The following PAN3 variants were observed in gnomAD, a reference collection of about 807,000 sequenced individuals.
The protein encoded by PAN3 is PAN2-PAN3 deadenylation complex subunit PAN3.
PAN3 carries 19 observed loss-of-function variants against 96.2 expected under a neutral mutation model. The observed-to-expected ratio is 0.20, with a 90% confidence interval of 0.14 to 0.29. The LOEUF (loss-of-function observed/expected upper bound fraction) is 0.29. Among genes scored for constraint, PAN3 ranks in the 10% least tolerant of loss-of-function variants. PAN3 has a pLI of 1.00. For missense variants in PAN3, 882 were observed against 1,108.1 expected, an observed-to-expected ratio of 0.80 and a Z score of 2.90; for synonymous variants, 433 against 406.6, an observed-to-expected ratio of 1.06 and a Z score of -0.78.
intron 1 of PAN3, among the ~76,000 whole-genome samples, chr13:28,171,758 C>T (rs527572535): frequency 2.0e-5 from 3 of 152,262 alleles, no homozygotes; most frequent in South Asian, 2.1e-4. Flanking sequence ...TTTTTATGGA[C>T]GCTTCATCTC....
At chr13:28,247,603 A>G (rs563081644) in intron 6 of PAN3, among the ~76,000 whole-genome samples, 46 of 152,268 alleles carry the variant, frequency 3.0e-4, no homozygotes, top group African/African-American at 1.1e-3. Context: ...TGATCTTTGC[A>G]TATGGTAAGA....
At chr13:28,171,852 T>C (rs1593404915) in intron 1 of PAN3, among the ~76,000 whole-genome samples, 1 of 152,162 alleles carries the variant, frequency 6.6e-6, no homozygotes, top group African/African-American at 2.4e-5. Flanking sequence ...AGTTCCAAAC[T>C]GGTAATCAGG....
chr13:28,200,405 A>G (rs949166935), intron 5 of PAN3, among the ~76,000 whole-genome samples: 2 of 152,052 alleles, frequency 1.3e-5, no homozygotes, highest in African/African-American at 2.4e-5. Context: ...GTCTTTTTCT[A>G]CTTCTGAAAA....
At chr13:28,160,694 G>C (rs1006477124) in intron 1 of PAN3, among the ~76,000 whole-genome samples, 1 of 152,252 alleles carries the variant, frequency 6.6e-6, no homozygotes, top group African/African-American at 2.4e-5. Context: ...GTAACACTTG[G>C]TATTATTTTA....
chr13:28,189,310 G>A (rs988655284), intron 4 of PAN3, among the ~76,000 whole-genome samples: 2 of 152,202 alleles, frequency 1.3e-5, no homozygotes, highest in Admixed American at 1.3e-4. Context: ...GAAGTCAGGA[G>A]TTCAAGACCA....
chr13:28,266,176 A>G (rs1345087660), intron 9 of PAN3, among the ~76,000 whole-genome samples: 1 of 152,160 alleles, frequency 6.6e-6, no homozygotes, highest in Non-Finnish European at 1.5e-5. Flanking sequence ...TACCATTGTT[A>G]CCATCTGCTA....
chr13:28,273,483 T>A (rs1338031335), intron 14 of PAN3, among the ~76,000 whole-genome samples: 2 of 151,988 alleles, frequency 1.3e-5, no homozygotes, highest in African/African-American at 4.8e-5. Context: ...ACACCTGTAG[T>A]CCAGCTACTC....
intron 6 of PAN3, among the ~76,000 whole-genome samples, chr13:28,228,428 C>A (rs1882219683): frequency 6.6e-6 from 1 of 152,066 alleles, no homozygotes; most frequent in Non-Finnish European, 1.5e-5. Flanking sequence ...TCATAAATGC[C>A]TGCAACAACC....
intron 6 of PAN3, among the ~76,000 whole-genome samples, chr13:28,232,002 A>G (rs371442629): frequency 1.3e-5 from 2 of 152,206 alleles, no homozygotes; most frequent in East Asian, 3.8e-4. Context: ...TAATCAGTTC[A>G]TGGTGTTATA....
At chr13:28,142,530 T>TTTTTTTTTTTA (rs1869997874) in intron 1 of PAN3, among the ~76,000 whole-genome samples, 1 of 145,546 alleles carries the variant, frequency 6.9e-6, no homozygotes, top group South Asian at 2.2e-4. Context: ...TTTTTTTTTT[T>TTTTTTTTTTTA]GAGACAGGGA....
chr13:28,186,942 G>A (rs1444133726), intron 4 of PAN3, among the ~76,000 whole-genome samples: 1 of 152,176 alleles, frequency 6.6e-6, no homozygotes, highest in Non-Finnish European at 1.5e-5. Flanking sequence ...GGCCTGGCAT[G>A]GTGGCTCATG....
intron 4 of PAN3, among the ~76,000 whole-genome samples, chr13:28,194,875 T>C (rs889737429): frequency 3.9e-5 from 6 of 152,190 alleles, no homozygotes; most frequent in African/African-American, 1.4e-4. Context: ...TTAATTCTTA[T>C]ACTCTTTCCA....
intron 1 of PAN3, among the ~76,000 whole-genome samples, chr13:28,155,019 G>A (rs1040094833): frequency 2.2e-4 from 33 of 148,434 alleles, no homozygotes; most frequent in African/African-American, 7.7e-4. Context: ...TAGTAGAGAC[G>A]GGGTTTCACC....
chr13:28,211,043 C>A (rs1269932028), intron 5 of PAN3, among the ~76,000 whole-genome samples: 1 of 152,018 alleles, frequency 6.6e-6, no homozygotes, highest in African/African-American at 2.4e-5. Context: ...AGGTGCGTAC[C>A]ACCACACCTG....
At chr13:28,261,527 T>A (rs1409853556) in intron 9 of PAN3, 69 bp downstream of exon 9, 23 of 1,400,706 alleles carry the variant, frequency 1.6e-5, no homozygotes, top group Non-Finnish European at 2.1e-5. Flanking sequence ...GTACATGTTT[T>A]ATGCATTATT....
At chr13:28,161,678 G>T (rs565433985) in intron 1 of PAN3, among the ~76,000 whole-genome samples, 5 of 152,294 alleles carry the variant, frequency 3.3e-5, no homozygotes, top group African/African-American at 9.6e-5. Flanking sequence ...TTCGGAGTTA[G>T]GTAGAGAATT....
chr13:28,175,357 C>T (rs1375733332), intron 2 of PAN3, among the ~76,000 whole-genome samples: 1 of 152,228 alleles, frequency 6.6e-6, no homozygotes, highest in African/African-American at 2.4e-5. Flanking sequence ...CAATACTCCT[C>T]TCTTGCCTCA....
At chr13:28,265,686 G>C (rs963704092) in intron 9 of PAN3, among the ~76,000 whole-genome samples, 1 of 150,778 alleles carries the variant, frequency 6.6e-6, no homozygotes, top group Admixed American at 6.6e-5. Context: ...TCTTACCAGA[G>C]GTCAAAAATT....
At chr13:28,184,785 CA>C (rs2138157213) in intron 4 of PAN3, among the ~76,000 whole-genome samples, 1 of 152,104 alleles carries the variant, frequency 6.6e-6, no homozygotes, top group East Asian at 1.9e-4. Context: ...GTTTATTGGT[CA>C]TTAGTGTTAT....
Sources: gnomAD v4.1 joint callset for allele counts (sites outside exome capture counted in the v4.1 genomes callset) on GRCh38, gnomAD v4.1.1 for gene constraint, MANE v1.5 for transcripts, NCBI Gene and HGNC (gene_info 2026-07-23, HGNC 2026-07-21) for gene names.